NOCT: variants seen among roughly 807,000 people sequenced by gnomAD.
The protein encoded by NOCT is CCR4 carbon catabolite repression 4-like.
In NOCT, 18 loss-of-function variants were observed where a neutral mutation model predicts 35.0. The observed-to-expected ratio is 0.51, with a 90% CI of 0.36 to 0.76. NOCT has a LOEUF of 0.76. NOCT is among the 30% of genes least tolerant of loss of function. NOCT has a pLI of 0.01. For missense variants in NOCT, 479 were observed against 541.0 expected, an observed-to-expected ratio of 0.89 and a Z score of 1.14; for synonymous variants, 235 against 226.3, an observed-to-expected ratio of 1.04 and a Z score of -0.34.
At chr4:139,035,516 T>G (rs1726714644) in intron 1 of NOCT, among the ~76,000 whole-genome samples, 1 of 152,196 alleles carries the variant, frequency 6.6e-6, no homozygotes, top group African/African-American at 2.4e-5. Context: ...TTAGATTGAT[T>G]GAGAATCCAA....
intron 1 of NOCT, among the ~76,000 whole-genome samples, chr4:139,018,347 G>C (rs1181719214): frequency 1.3e-5 from 2 of 152,190 alleles, no homozygotes; most frequent in Non-Finnish European, 2.9e-5. Context: ...ATAGATGGCT[G>C]TGTTATCTGA....
intron 1 of NOCT, among the ~76,000 whole-genome samples, chr4:139,035,914 A>G (rs1726727621): frequency 6.6e-6 from 1 of 151,938 alleles, no homozygotes; most frequent in Non-Finnish European, 1.5e-5. Flanking sequence ...GGAATGTTTT[A>G]TCAGTCTCCA....
chr4:139,045,020 G>A lies in NOCT; in HGVS notation c.842G>A (p.Cys281Tyr). The A allele has an allele frequency of 6.2e-7, 1 of 1,614,220 alleles. No homozygotes were observed. Among genetic ancestry groups the A allele is most frequent in the Non-Finnish European group, 8.5e-7 (1 of 1,180,048 alleles). ...TGCAAGGAGTCAGGCCGACAGTTCT[G>A]CATCGCTGTTACCCATCTAAAAGCA... ...LECKESGRQF[C>Y]IAVTHLKART... Residue 281 changes from cysteine to tyrosine, a missense_variant, in exon 3 of 3, where the codon TGC becomes TAC. Cys to Tyr is a radical substitution (Grantham distance 194). Around this residue, in one of 2 missense-constraint regions of NOCT, gnomAD observed 214 missense variants for 284.0 expected, o/e 0.75. Transcript: ENST00000280614.
At chr4:139,029,263 A>C (rs1726580836) in intron 1 of NOCT, among the ~76,000 whole-genome samples, 1 of 152,252 alleles carries the variant, frequency 6.6e-6, no homozygotes, top group Non-Finnish European at 1.5e-5. Flanking sequence ...ATTAATCCTC[A>C]CAGTAACCAA....
intron 1 of NOCT, among the ~76,000 whole-genome samples, chr4:139,033,497 C>A (rs1433932745): frequency 6.6e-6 from 1 of 151,920 alleles, no homozygotes; most frequent in Non-Finnish European, 1.5e-5. Flanking sequence ...AAGTGAGACC[C>A]CTGTCTCTAC....
At chr4:139,032,931 G>A (rs1429408146) in intron 1 of NOCT, among the ~76,000 whole-genome samples, 6 of 152,150 alleles carry the variant, frequency 3.9e-5, no homozygotes, top group African/African-American at 1.2e-4. Flanking sequence ...CGAGGGTGGC[G>A]GCGTGCACCT....
intron 1 of NOCT, among the ~76,000 whole-genome samples, chr4:139,037,299 C>T (rs1265592873): frequency 6.6e-6 from 1 of 152,142 alleles, no homozygotes; most frequent in African/African-American, 2.4e-5. Context: ...AAGGGCTATG[C>T]CAATAAAACT....
Position 139,015,800 on chromosome 4 carries a change from G to T in NOCT, c.-182G>T, listed in dbSNP as rs1337163384. The T allele has an allele frequency of 3.5e-5, 14 of 403,194 alleles. No individual in the cohort carries two copies. The highest frequency in any genetic ancestry group is 5.8e-5 in the Non-Finnish European group (14 of 243,046). The allele number at this position is 403,194 out of a possible 1,614,324, so 25.0% of individuals were successfully genotyped here. ...CACAGCAGACGGTGCCGACGCAGCG[G>T]TGTTGCACCTCCCTCTCCGGCTCTG... On this transcript the variant is annotated 5_prime_UTR_variant, in exon 1 of 3. Coordinates refer to ENST00000280614, the MANE Select transcript of NOCT (RefSeq NM_012118.4).
chr4:139,034,350 G>A (rs766864301), intron 1 of NOCT, among the ~76,000 whole-genome samples: 19 of 152,118 alleles, frequency 1.2e-4, no homozygotes, highest in Non-Finnish European at 1.8e-4. Context: ...AACTTTGGGG[G>A]ACATGCATTC....
In NOCT at chr4:139,045,015, G is replaced by A. The variant is rs144267239; in HGVS notation, c.837G>A (p.Gln279=). Reference sequence around the variant, plus strand: ...TGGAGTGCAAGGAGTCAGGCCGACAGTTCTGCATCGCTGTTACCCATCTAA... The same window carrying A: ...TGGAGTGCAAGGAGTCAGGCCGACAATTCTGCATCGCTGTTACCCATCTAA... ...QTLECKESGR[Q]FCIAVTHLKA... Residue 279 remains glutamine (Q), a synonymous_variant, in exon 3 of 3, where the codon CAG becomes CAA. Coordinates refer to ENST00000280614, the MANE Select transcript of NOCT (RefSeq NM_012118.4). The A allele has an allele frequency of 1.9e-6, 3 of 1,614,134 alleles. No individual in the cohort carries two copies. The African/African-American group carries it at 4.0e-5, about 22-fold the overall frequency.
chr4:139,017,346 A>G (rs1294042763), intron 1 of NOCT, among the ~76,000 whole-genome samples: 45 of 144,586 alleles, frequency 3.1e-4, no homozygotes, highest in Middle Eastern at 8.0e-3. Context: ...TCCTGCCTCA[A>G]CCTCCCGAGA....
intron 1 of NOCT, among the ~76,000 whole-genome samples, chr4:139,016,582 T>G (rs1289434245): frequency 6.6e-6 from 1 of 151,634 alleles, no homozygotes; most frequent in Non-Finnish European, 1.5e-5. Context: ...GCTTTCATGG[T>G]CTAGATATTA....
chr4:139,043,010 G>C (rs1244939737), intron 1 of NOCT, 64 bp from the exon 2 acceptor site: 1 of 1,459,162 alleles, frequency 6.9e-7, no homozygotes. Flanking sequence ...TTATCTTACA[G>C]TTGTGCTGGG....
Position 139,045,330 on chromosome 4 carries a change from T to C in NOCT, c.1152T>C (p.His384=). 1.9e-6 allele frequency: 3 copies of C among 1,613,970 alleles called. No homozygotes were observed. Among genetic ancestry groups the C allele is most frequent in the Non-Finnish European group, 2.5e-6 (3 of 1,180,000 alleles). The stretch of plus-strand genomic sequence containing the variant: ...TGGATTACATCTGGTATTCTAAACA[T>C]GCTCTAAATGTAAGGTCAGCTCTCG... ...HTLDYIWYSK[H]ALNVRSALDL... is the part of the protein sequence containing the mutation. Residue 384 remains histidine, a synonymous_variant, in exon 3 of 3, where the codon CAT becomes CAC. Coordinates refer to ENST00000280614, the MANE Select transcript of NOCT (RefSeq NM_012118.4).
At chr4:139,016,211 G>A in intron 1 of NOCT, 40 bp downstream of exon 1, 11 of 1,198,586 alleles carry the variant, frequency 9.2e-6, no homozygotes, top group Non-Finnish European at 1.1e-5. Context: ...CGCCACGGCC[G>A]CCAACGCGCG....
At chr4:139,035,578 A>G (rs1015692187) in intron 1 of NOCT, among the ~76,000 whole-genome samples, 1 of 152,130 alleles carries the variant, frequency 6.6e-6, no homozygotes, top group African/African-American at 2.4e-5. Context: ...TGCCTAGATT[A>G]TTGTACATTT....
At chr4:139,025,549 G>A (rs1375648746) in intron 1 of NOCT, among the ~76,000 whole-genome samples, 2 of 152,120 alleles carry the variant, frequency 1.3e-5, no homozygotes, top group South Asian at 2.1e-4. Flanking sequence ...GGTGGCTCAC[G>A]CCTGTAATCC....
intron 1 of NOCT, among the ~76,000 whole-genome samples, chr4:139,041,383 A>G (rs1726830573): frequency 6.6e-6 from 1 of 152,242 alleles, no homozygotes; most frequent in Admixed American, 6.5e-5. Context: ...ATGTTTTATA[A>G]AGAAAACTTT....
chr4:139,019,204 C>T (rs1028475908), intron 1 of NOCT, among the ~76,000 whole-genome samples: 1 of 152,100 alleles, frequency 6.6e-6, no homozygotes, highest in South Asian at 2.1e-4. Context: ...TACAGGCACA[C>T]GCCACTGTGC....
Sources: allele counts gnomAD v4.1 joint callset (sites outside exome capture counted in the v4.1 genomes callset), GRCh38; gene constraint gnomAD v4.1.1; regional missense constraint gnomAD v4.1.1; transcripts MANE v1.5; gene names NCBI Gene and HGNC (gene_info 2026-07-23, HGNC 2026-07-21).